NBEA: variants seen among roughly 807,000 people sequenced by gnomAD.
The protein encoded by NBEA is neurobeachin.
A neutral mutation model predicts 343.4 loss-of-function variants in NBEA; 44 were observed. The ratio of observed to expected loss-of-function variants is 0.13; its 90% CI spans 0.10 to 0.16. The LOEUF (loss-of-function observed/expected upper bound fraction) is 0.16. Ranked by LOEUF, NBEA falls within the 10% of genes least tolerant of loss-of-function variation. The pLI, the probability that NBEA is intolerant of heterozygous loss-of-function variation, is 1.00. For missense variants in NBEA, 2,555 were observed against 3,631.3 expected, an observed-to-expected ratio of 0.70 and a Z score of 7.62; for synonymous variants, 1,175 against 1,238.7, an observed-to-expected ratio of 0.95 and a Z score of 1.08.
intron 38 of NBEA, among the ~76,000 whole-genome samples, chr13:35,429,395 T>C (rs1451531654): frequency 2.0e-5 from 3 of 152,192 alleles, no homozygotes; most frequent in Non-Finnish European, 4.4e-5. Context: ...GAAAGTTTTC[T>C]ATCTTGCTAA....
intron 34 of NBEA, among the ~76,000 whole-genome samples, chr13:35,248,084 A>G (rs2031464243): frequency 6.6e-6 from 1 of 152,220 alleles, no homozygotes; most frequent in African/African-American, 2.4e-5. Context: ...GACCTACAAC[A>G]GGATAGAATA....
Position 35,119,797 on chromosome 13 carries a change from G to T in NBEA, c.2243+1323G>T, listed in dbSNP as rs575633339. Among the ~76,000 whole-genome samples the T allele has an allele frequency of 2.0e-5, 3 of 152,216 alleles. No homozygotes were observed. The East Asian group carries it at 5.8e-4, about 29-fold the overall frequency. On this transcript the variant is annotated intron_variant, in intron 16 of 58. Coordinates refer to ENST00000379939, the MANE Select transcript of NBEA (RefSeq NM_001385012.1). ...GTAGAGACGGGGTTTCACCATGTTA[G>T]CCAGGATGGTCTCCATCTCCTGACC...
chr13:35,610,480 T>C (rs1293049810), intron 48 of NBEA, among the ~76,000 whole-genome samples: 2 of 147,396 alleles, frequency 1.4e-5, no homozygotes, highest in African/African-American at 5.0e-5. Flanking sequence ...GCTAGAAGAG[T>C]TGGATATCTA....
intron 34 of NBEA, among the ~76,000 whole-genome samples, chr13:35,246,836 G>A (rs145055720): frequency 1.7e-4 from 26 of 152,182 alleles, no homozygotes; most frequent in African/African-American, 6.0e-4. Context: ...GGGAGGATGG[G>A]CAGGGCCCTA....
chr13:35,028,683 T>C (rs767762503), intron 1 of NBEA, among the ~76,000 whole-genome samples: 4 of 151,822 alleles, frequency 2.6e-5, no homozygotes, highest in Non-Finnish European at 4.4e-5. Flanking sequence ...CTGTGTTGAA[T>C]AGCAGTGGTT....
At chr13:35,510,612 C>A (rs2077241055) in intron 41 of NBEA, among the ~76,000 whole-genome samples, 3 of 151,834 alleles carry the variant, frequency 2.0e-5, no homozygotes, top group Admixed American at 2.0e-4. Context: ...AAAATAAAAT[C>A]AACTTGCAAA....
intron 10 of NBEA, among the ~76,000 whole-genome samples, chr13:35,082,815 T>C (rs2064493944): frequency 6.6e-6 from 1 of 152,184 alleles, no homozygotes; most frequent in African/African-American, 2.4e-5. Flanking sequence ...ATTCTGGACA[T>C]TAGCCCTTTG....
Position 35,485,474 on chromosome 13 carries a change from G to A in NBEA, c.6585+12938G>A, listed in dbSNP as rs564914530. 7.2e-5 allele frequency among the ~76,000 whole-genome samples: 11 copies of A among 152,158 alleles called. No individual in the cohort carries two copies. In the South Asian group the frequency reaches 1.7e-3, roughly 23 times the overall value. ...GGCAACCTGCTAATTATGTGCTATC[G>A]TTGTATTATCCATGTTATGGAAAAT... On this transcript the variant is annotated intron_variant, in intron 41 of 58. Coordinates refer to ENST00000379939, the MANE Select transcript of NBEA (RefSeq NM_001385012.1).
chr13:35,119,143 A>G (rs1400540490), intron 16 of NBEA, among the ~76,000 whole-genome samples: 1 of 152,242 alleles, frequency 6.6e-6, no homozygotes, highest in African/African-American at 2.4e-5. Flanking sequence ...TGTTGTGGCA[A>G]TTGAAATGTA....
At chr13:35,210,908 C>A in intron 32 of NBEA, 145 bp from the exon 33 acceptor site, 1 of 747,748 alleles carries the variant, frequency 1.3e-6, no homozygotes, top group Non-Finnish European at 2.1e-6. Flanking sequence ...CATTAGCATA[C>A]TTACTAATGG....
intron 31 of NBEA, among the ~76,000 whole-genome samples, 167 bp downstream of exon 31, chr13:35,196,469 T>C (rs550921977): frequency 1.5e-3 from 227 of 152,294 alleles, no homozygotes; most frequent in African/African-American, 5.3e-3. Context: ...GACATCTTAA[T>C]AATACATCTT....
At chr13:35,579,604 A>G (rs901723722) in intron 45 of NBEA, among the ~76,000 whole-genome samples, 1 of 152,146 alleles carries the variant, frequency 6.6e-6, no homozygotes, top group African/African-American at 2.4e-5. Context: ...AATCTAAGGT[A>G]TTGCATCTAA....
intron 46 of NBEA, among the ~76,000 whole-genome samples, chr13:35,589,362 A>C (rs1394355595): frequency 1.3e-5 from 2 of 152,134 alleles, no homozygotes; most frequent in Admixed American, 1.3e-4. Context: ...GATAGTAGGG[A>C]TTCAGTTAAC....
Position 35,602,537 on chromosome 13 carries a change from T to A in NBEA, c.7297-3889T>A, listed in dbSNP as rs568324841. On this transcript the variant is annotated intron_variant, in intron 47 of 58. Coordinates refer to ENST00000379939, the MANE Select transcript of NBEA (RefSeq NM_001385012.1). ...CTGCAAACAAGCTGTGCTTCAGAAG[T>A]TTCTTTCTATCTGTGTTTAAAACAT... 3.9e-5 allele frequency among the ~76,000 whole-genome samples: 6 copies of A among 152,346 alleles called. No individual in the cohort carries two copies. In the South Asian group the frequency reaches 1.2e-3, roughly 32 times the overall value.
Position 35,452,192 on chromosome 13 carries a change from T to C in NBEA, c.6405T>C (p.Asp2135=). ...ETELMLEGDD[D]AVSLLQEKEI... is the part of the protein sequence containing the mutation. ...AACTTATGCTGGAAGGAGACGATGA[T>C]GCAGTCAGTCTGCTACAGGAGAAAG... The change falls in exon 40 of 59, where the codon GAT becomes GAC. Residue 2135 remains aspartate (D), a synonymous_variant. Transcript: ENST00000379939. 6.2e-7 allele frequency: 1 copy of C among 1,602,980 alleles called. No homozygotes were observed. The highest frequency in any genetic ancestry group is 8.5e-7 in the Non-Finnish European group (1 of 1,173,754).
At chr13:35,668,631 A>G (rs2085465646) in intron 58 of NBEA, 112 bp downstream of exon 58, 1 of 1,077,968 alleles carries the variant, frequency 9.3e-7, no homozygotes, top group East Asian at 2.8e-5. Context: ...CAAATGAAAG[A>G]AAGACTGGCA....
chr13:35,078,265 A>G (rs368319462), intron 10 of NBEA, among the ~76,000 whole-genome samples: 4 of 152,182 alleles, frequency 2.6e-5, no homozygotes, highest in African/African-American at 9.7e-5. Context: ...TCAGCATAGA[A>G]CTTACATTAT....
At chr13:35,442,329 GT>G (rs1566139667) in intron 39 of NBEA, among the ~76,000 whole-genome samples, 3 of 151,856 alleles carry the variant, frequency 2.0e-5, no homozygotes, top group Non-Finnish European at 2.9e-5. Context: ...GTTTTATTAC[GT>G]TTTTTTACAA....
intron 41 of NBEA, among the ~76,000 whole-genome samples, chr13:35,515,520 T>G (rs1352558259): frequency 6.6e-6 from 1 of 152,224 alleles, no homozygotes; most frequent in Non-Finnish European, 1.5e-5. Context: ...GATTATTAAT[T>G]AAGCTTTTAA....
Sources: allele counts gnomAD v4.1 joint callset (sites outside exome capture counted in the v4.1 genomes callset), GRCh38; gene constraint gnomAD v4.1.1; transcripts MANE v1.5; gene names NCBI Gene and HGNC (gene_info 2026-07-23, HGNC 2026-07-21).